The following SV2C variants were observed in gnomAD, a reference collection of about 807,000 sequenced individuals.
The protein encoded by SV2C is synaptic vesicle glycoprotein 2C.
SV2C carries 49 observed loss-of-function variants against 79.7 expected under a neutral mutation model. That is an observed-to-expected ratio of 0.61 (90% CI 0.49 to 0.78). The LOEUF is 0.78. Among genes scored for constraint, SV2C ranks in the 30% least tolerant of loss-of-function variants. The pLI is 0.00. For missense variants in SV2C, 833 were observed against 912.9 expected (o/e 0.91, Z 1.13); for synonymous variants, 334 against 333.2 (o/e 1.00, Z -0.03).
chr5:76,129,869 C>A (rs1748822907), intron 1 of SV2C, among the ~76,000 whole-genome samples: 1 of 152,144 alleles, frequency 6.6e-6, no homozygotes. Context: ...GTACAGGAAG[C>A]AGCTGATATG....
At chr5:76,198,012 C>T (rs1744325616) in intron 3 of SV2C, among the ~76,000 whole-genome samples, 1 of 152,292 alleles carries the variant, frequency 6.6e-6, no homozygotes, top group African/African-American at 2.4e-5. Context: ...GTCCCAGCTC[C>T]GAGAGACTGC....
the SV2C span, among the ~76,000 whole-genome samples, chr5:75,862,132 A>G: frequency 3.9e-5 from 6 of 152,236 alleles, no homozygotes; most frequent in Admixed American, 3.9e-4. Flanking sequence ...GAAAAAACCT[A>G]CTTACATCTA....
chr5:76,333,312 T>C lies in SV2C; in HGVS notation c.*7765T>C, dbSNP rs1006926756. 1 of 152,248 alleles carries C rather than the reference T, an allele frequency of 6.6e-6. No homozygotes were observed. The highest frequency in any genetic ancestry group is 6.5e-5 in the Admixed American group (1 of 15,288). 9.4% of individuals were successfully genotyped at this position (152,248 alleles called of 1,614,324 possible). A position where few individuals can be genotyped will look rare whatever the true frequency, so the allele number is the denominator to read the frequency against. ...CACTTTCTTAGCATCCATGCAGTTA[T>C]GTATCCTCATCCTGATCCAGGAACA... On this transcript the variant is annotated 3_prime_UTR_variant, in exon 13 of 13. Coordinates refer to ENST00000502798, the MANE Select transcript of SV2C (RefSeq NM_014979.4).
intron 1 of SV2C, among the ~76,000 whole-genome samples, chr5:76,128,266 A>C (rs1748774302): frequency 6.6e-6 from 1 of 152,230 alleles, no homozygotes; most frequent in Non-Finnish European, 1.5e-5. Flanking sequence ...ATCCTAGGGT[A>C]GTTTATTGGA....
chr5:75,967,844 T>A, the SV2C span, among the ~76,000 whole-genome samples: 1 of 152,188 alleles, frequency 6.6e-6, no homozygotes, highest in Admixed American at 6.5e-5. Flanking sequence ...AGCACGCAGC[T>A]TGAGATCTGA....
intron 2 of SV2C, among the ~76,000 whole-genome samples, chr5:76,146,417 C>A (rs1196275209): frequency 6.6e-6 from 1 of 152,134 alleles, no homozygotes; most frequent in Non-Finnish European, 1.5e-5. Context: ...ACTCATGCCT[C>A]CCCTTTCTAG....
chr5:75,933,231 C>T, the SV2C span, among the ~76,000 whole-genome samples: 3 of 152,196 alleles, frequency 2.0e-5, no homozygotes, highest in African/African-American at 7.2e-5. Context: ...AATCTTTCTC[C>T]TGTTCTCTTA....
chr5:76,349,206 G>A (rs953664562), intron 12 of SV2C, among the ~76,000 whole-genome samples: 17 of 152,076 alleles, frequency 1.1e-4, no homozygotes, highest in African/African-American at 4.1e-4. Context: ...CACAGAGTAA[G>A]CCCTCAATAA....
the SV2C span, among the ~76,000 whole-genome samples, chr5:75,883,930 C>G: frequency 6.6e-6 from 1 of 151,694 alleles, no homozygotes; most frequent in Non-Finnish European, 1.5e-5. Flanking sequence ...CTGGAGCAGA[C>G]AATTGTCTGA....
chr5:76,072,771 T>C, the SV2C span, among the ~76,000 whole-genome samples: 1 of 152,196 alleles, frequency 6.6e-6, no homozygotes, highest in African/African-American at 2.4e-5. Context: ...CAACGTCTAT[T>C]ATTTTGATTC....
chr5:76,013,025 A>G, the SV2C span, among the ~76,000 whole-genome samples: 1 of 152,110 alleles, frequency 6.6e-6, no homozygotes, highest in Non-Finnish European at 1.5e-5. Flanking sequence ...GTATAGTTTG[A>G]AGTCAGAGAG....
Position 76,180,054 on chromosome 5 carries a change from C to T in SV2C, c.581-14865C>T, listed in dbSNP as rs183784313. Among the ~76,000 whole-genome samples the T allele has an allele frequency of 1.6e-3, 241 of 152,272 alleles. 1 individual carries two copies. Among genetic ancestry groups the T allele is most frequent in the African/African-American group, 5.8e-3 (239 of 41,558 alleles). ...ACTGTGTGATCTTTGAGTTCATTTT[C>T]AGTCCTGTTTTCCTGCCATACACAA... is the stretch of plus-strand genomic sequence containing the variant. On this transcript the variant is annotated intron_variant, in intron 2 of 12. Transcript: ENST00000502798.
chr5:76,190,457 C>T (rs916714659), intron 2 of SV2C, among the ~76,000 whole-genome samples: 1 of 152,176 alleles, frequency 6.6e-6, no homozygotes, highest in Non-Finnish European at 1.5e-5. Context: ...GTTGACCTAA[C>T]TGGATTCTTG....
intron 9 of SV2C, chr5:76,296,222 G>C: frequency 5.0e-6 from 1 of 199,378 alleles, no homozygotes; most frequent in African/African-American, 2.3e-5. Context: ...AGCAATGTTG[G>C]AGAGCAACAA....
At chr5:76,298,986 T>C in intron 10 of SV2C, 59 bp downstream of exon 10, 1 of 1,577,954 alleles carries the variant, frequency 6.3e-7, no homozygotes, top group South Asian at 1.1e-5. Context: ...CCCACTGTGA[T>C]AACCATGTGA....
At chr5:75,989,440 A>C in the SV2C span, among the ~76,000 whole-genome samples, 1 of 152,128 alleles carries the variant, frequency 6.6e-6, no homozygotes, top group South Asian at 2.1e-4. Context: ...AGCTCCATTT[A>C]TGTCCCTGCA....
At chr5:76,220,217 A>G (rs1456251752) in intron 4 of SV2C, among the ~76,000 whole-genome samples, 1 of 152,236 alleles carries the variant, frequency 6.6e-6, no homozygotes, top group South Asian at 2.1e-4. Flanking sequence ...ATATATTAGC[A>G]TACTAAGTAA....
chr5:76,310,915 A>G (rs1748414764), intron 12 of SV2C, among the ~76,000 whole-genome samples: 1 of 152,228 alleles, frequency 6.6e-6, no homozygotes, highest in Non-Finnish European at 1.5e-5. Context: ...AGAGTGGAAT[A>G]CAAAAAAACT....
At chr5:76,021,060 T>G in the SV2C span, among the ~76,000 whole-genome samples, 1 of 152,208 alleles carries the variant, frequency 6.6e-6, no homozygotes, top group Non-Finnish European at 1.5e-5. Context: ...CATGAAGAAA[T>G]CATTGGTCTA....
Sources: gnomAD v4.1 joint callset for allele counts (sites outside exome capture counted in the v4.1 genomes callset) on GRCh38, gnomAD v4.1.1 for gene constraint, MANE v1.5 for transcripts, NCBI Gene and HGNC (gene_info 2026-07-23, HGNC 2026-07-21) for gene names.